Variants in STK40 observed in about 807,000 individuals in gnomAD.
STK40 encodes serine/threonine-protein kinase 40.
In STK40, 13 loss-of-function variants were observed where a neutral mutation model predicts 47.9. The observed-to-expected ratio is 0.27, with a 90% confidence interval of 0.18 to 0.43. The LOEUF (loss-of-function observed/expected upper bound fraction) is 0.43, where lower values mean the gene tolerates loss of function less well. Ranked by LOEUF, STK40 falls within the 20% of genes least tolerant of loss-of-function variation. The pLI, the probability that STK40 is intolerant of heterozygous loss-of-function variation, is 1.00. For missense variants in STK40, 460 were observed against 595.1 expected, an observed-to-expected ratio of 0.77 and a Z score of 2.36; for synonymous variants, 225 against 243.2, an observed-to-expected ratio of 0.93 and a Z score of 0.69.
At chr1:36,355,115 G>C in intron 5 of STK40, 91 bp downstream of exon 5, 1 of 1,323,134 alleles carries the variant, frequency 7.6e-7, no homozygotes, top group Non-Finnish European at 1.1e-6. Context: ...AGCACACCTG[G>C]GTGCACAGGA....
chr1:36,366,837 T>TA (rs201575457), intron 1 of STK40, among the ~76,000 whole-genome samples: 2,480 of 135,282 alleles, frequency 0.018, 31 homozygotes, highest in Non-Finnish European at 0.027. Flanking sequence ...CTTCTTCTTC[T>TA]TTTTTTTTTT....
chr1:36,363,497 T>A (rs962466511), intron 1 of STK40, among the ~76,000 whole-genome samples: 1 of 152,042 alleles, frequency 6.6e-6, no homozygotes, highest in Non-Finnish European at 1.5e-5. Flanking sequence ...TTTATGGACA[T>A]CTAGGTTCTT....
At chr1:36,370,645 A>G (rs949569856) in intron 1 of STK40, among the ~76,000 whole-genome samples, 6 of 152,114 alleles carry the variant, frequency 3.9e-5, no homozygotes, top group African/African-American at 1.2e-4. Context: ...TGGGTGGTGA[A>G]TTTCAGACTT....
chr1:36,384,459 G>A (rs1359288938), intron 1 of STK40, among the ~76,000 whole-genome samples: 1 of 152,248 alleles, frequency 6.6e-6, no homozygotes, highest in Non-Finnish European at 1.5e-5. Context: ...AAACATGGTT[G>A]TATGTTTTAC....
At position 36,355,395 on chromosome 1, in the gene STK40, G is replaced by A; in HGVS notation, c.381C>T (p.Ser127=). 6.2e-7 allele frequency: 1 copy of A among 1,614,176 alleles called. No homozygotes were observed. The highest frequency in any genetic ancestry group is 8.5e-7 in the Non-Finnish European group (1 of 1,180,036). The change falls in exon 5 of 11, where the codon AGC becomes AGT. Residue 127 remains serine, a synonymous_variant. Coordinates refer to ENST00000373132, the MANE Select transcript of STK40 (RefSeq NM_001282547.2). Reference sequence around the variant, plus strand: ...GCTTCTTCATCTTCTTAACCATCCGGCTGGATTCTGTGTCCTCAACGATTT... The same window carrying A: ...GCTTCTTCATCTTCTTAACCATCCGACTGGATTCTGTGTCCTCAACGATTT... The part of the protein sequence containing the change: ...TCEIVEDTES[S]RMVKKMKKRI...
At chr1:36,376,060 A>G (rs1479038872) in intron 1 of STK40, among the ~76,000 whole-genome samples, 1 of 152,184 alleles carries the variant, frequency 6.6e-6, no homozygotes, top group African/African-American at 2.4e-5. Context: ...ACAGCGAGCA[A>G]TACAATTCAC....
chr1:36,376,900 C>T (rs989756085), intron 1 of STK40, among the ~76,000 whole-genome samples: 10 of 151,798 alleles, frequency 6.6e-5, no homozygotes, highest in African/African-American at 9.7e-5. Flanking sequence ...CTCAGCCTCC[C>T]GAGTAGCTGG....
rs1273810393 is a variant in STK40 at position 36,367,001 on chromosome 1, A to AT, written c.-8-5662dup. Among the ~76,000 whole-genome samples, 1,190 of 134,538 alleles carry AT rather than the reference A, an allele frequency of 8.8e-3. 13 individuals are homozygous for AT. The highest frequency in any genetic ancestry group is 0.015 in the South Asian group (65 of 4,228). 88.3% of individuals were successfully genotyped at this position (134,538 alleles called of 152,430 possible). On this transcript the variant is annotated intron_variant, in intron 1 of 10. Coordinates refer to ENST00000373132, the MANE Select transcript of STK40 (RefSeq NM_001282547.2). ...AGGCATCTACCACCACACCCAGCTA[A>AT]TTTTTTTTTTTTTTTTTTGTATTTT... is the stretch of plus-strand genomic sequence containing the variant.
rs1557525256 is a variant in STK40, at chr1:36,377,556, A to AAGT, written c.-9+8164_-9+8166dup. ...TCAAAAAAAAAAAAAAAAAAAAAAA[A>AAGT]AGTAGTAGTGGAATCAGGGGAGGCT... On this transcript the variant is annotated intron_variant, in intron 1 of 10. Transcript: ENST00000373132. 5.3e-5 allele frequency among the ~76,000 whole-genome samples: 8 copies of AAGT among 150,918 alleles called. No homozygotes were observed. The East Asian group carries it at 1.6e-3, about 29-fold the overall frequency.
intron 6 of STK40, 139 bp downstream of exon 6, chr1:36,354,225 G>GA (rs1646782761): frequency 3.5e-6 from 3 of 856,434 alleles, no homozygotes; most frequent in Non-Finnish European, 3.7e-6. Context: ...ATCCCATCCC[G>GA]AGCCCTGGGA....
chr1:36,357,060 A>G (rs947342471), intron 4 of STK40, among the ~76,000 whole-genome samples: 1 of 152,190 alleles, frequency 6.6e-6, no homozygotes, highest in Non-Finnish European at 1.5e-5. Context: ...TTATTTTAGG[A>G]ACTCAAGCTG....
chr1:36,349,244 G>C (rs900977779), intron 6 of STK40, among the ~76,000 whole-genome samples: 1 of 152,220 alleles, frequency 6.6e-6, no homozygotes, highest in Non-Finnish European at 1.5e-5. Flanking sequence ...GTCCAGCAGA[G>C]GTGAGTGACT....
intron 7 of STK40, among the ~76,000 whole-genome samples, chr1:36,347,143 C>T (rs1183740369): frequency 1.3e-5 from 2 of 151,818 alleles, no homozygotes; most frequent in South Asian, 2.1e-4. Context: ...GGGGAGCCTC[C>T]GAGGGAGTTG....
intron 10 of STK40, 157 bp from the exon 11 acceptor site, chr1:36,342,130 G>T: frequency 1.4e-6 from 1 of 715,120 alleles, no homozygotes; most frequent in Non-Finnish European, 2.3e-6. Flanking sequence ...TGGGAGTGGC[G>T]CTGAGGGTGG....
intron 1 of STK40, among the ~76,000 whole-genome samples, chr1:36,377,018 G>A (rs1646997754): frequency 6.6e-6 from 1 of 151,520 alleles, no homozygotes. Context: ...TGATCCACTC[G>A]CCTCGGCCTC....
At chr1:36,345,208 A>C (rs1478672155) in intron 7 of STK40, among the ~76,000 whole-genome samples, 1 of 152,122 alleles carries the variant, frequency 6.6e-6, no homozygotes, top group Admixed American at 6.5e-5. Context: ...GGCAGCCTGG[A>C]CCCCAGAACA....
At chr1:36,355,899 T>C (rs376170436) in intron 4 of STK40, among the ~76,000 whole-genome samples, 2 of 152,284 alleles carry the variant, frequency 1.3e-5, no homozygotes, top group African/African-American at 4.8e-5. Context: ...GTTCTGTGTA[T>C]CCAGGACACC....
intron 5 of STK40, 131 bp from the exon 6 acceptor site, chr1:36,354,547 C>A: frequency 1.1e-6 from 1 of 874,862 alleles, no homozygotes; most frequent in Non-Finnish European, 1.9e-6. Context: ...CTTTAGGCTC[C>A]AAGCACAGGC....
chr1:36,369,590 G>T (rs984174363), intron 1 of STK40, among the ~76,000 whole-genome samples: 3 of 152,126 alleles, frequency 2.0e-5, no homozygotes, highest in African/African-American at 7.2e-5. Flanking sequence ...TTCTCCCTTG[G>T]TCCTCACTGA....
Sources: allele counts gnomAD v4.1 joint callset (sites outside exome capture counted in the v4.1 genomes callset), GRCh38; gene constraint gnomAD v4.1.1; transcripts MANE v1.5; gene names NCBI Gene and HGNC (gene_info 2026-07-23, HGNC 2026-07-21).